SPOP: variants seen among roughly 807,000 people sequenced by gnomAD.
SPOP encodes speckle-type POZ protein.
SPOP carries 11 observed loss-of-function variants against 45.6 expected under a neutral mutation model. The observed-to-expected ratio is 0.24, with a 90% CI of 0.15 to 0.40. The LOEUF (loss-of-function observed/expected upper bound fraction) is 0.40. SPOP is among the 10% of genes least tolerant of loss of function. SPOP has a pLI of 1.00. For missense variants in SPOP, 152 were observed against 465.6 expected (o/e 0.33, Z 6.20); for synonymous variants, 166 against 166.3 (o/e 1.00, Z 0.01).
intron 1 of SPOP, among the ~76,000 whole-genome samples, chr17:49,623,225 C>T (rs147763467): frequency 0.012 from 1,797 of 152,234 alleles, 8 homozygotes; most frequent in Non-Finnish European, 0.018. Flanking sequence ...TCAGGCTGGT[C>T]TTGAACTCTC....
At chr17:49,655,443 G>A (rs936755068) in intron 1 of SPOP, among the ~76,000 whole-genome samples, 5 of 152,034 alleles carry the variant, frequency 3.3e-5, no homozygotes, top group Non-Finnish European at 4.4e-5. Flanking sequence ...CCCGGGAGGC[G>A]GAGCTTGCAG....
chr17:49,654,411 A>C (rs2072880721), intron 1 of SPOP, among the ~76,000 whole-genome samples: 1 of 152,228 alleles, frequency 6.6e-6, no homozygotes, highest in South Asian at 2.1e-4. Flanking sequence ...TAATTAAATA[A>C]CTGTTACAAT....
At chr17:49,654,326 C>G (rs2072879760) in intron 1 of SPOP, among the ~76,000 whole-genome samples, 1 of 152,142 alleles carries the variant, frequency 6.6e-6, no homozygotes, top group South Asian at 2.1e-4. Flanking sequence ...CTCAGGGACT[C>G]AAGTGATCCT....
intron 1 of SPOP, among the ~76,000 whole-genome samples, chr17:49,632,125 C>T (rs757002093): frequency 6.6e-6 from 1 of 152,086 alleles, no homozygotes; most frequent in Non-Finnish European, 1.5e-5. Flanking sequence ...GATCATTTTT[C>T]CCTAATGAGT....
chr17:49,639,899 A>G (rs181854115), intron 1 of SPOP, among the ~76,000 whole-genome samples: 7 of 152,262 alleles, frequency 4.6e-5, no homozygotes, highest in Admixed American at 2.0e-4. Context: ...TGCCTTCTGT[A>G]ATTAATCCTT....
rs933404589 is a variant in SPOP at position 49,656,084 on chromosome 17, C to A, written c.-67+21849G>T. ...GCCTCAGCCTCCCAAAGTGCTGTGA[C>A]CACAGGTGTGAGCCACCGTGCCCAG... On this transcript the variant is annotated intron_variant, in intron 1 of 9. Coordinates refer to ENST00000504102, the MANE Select transcript of SPOP (RefSeq NM_001007228.2). 2.0e-5 allele frequency among the ~76,000 whole-genome samples: 3 copies of A among 152,130 alleles called. No homozygotes were observed. In the East Asian group the frequency reaches 5.8e-4, roughly 29 times the overall value.
At chr17:49,656,549 T>C (rs952768641) in intron 1 of SPOP, among the ~76,000 whole-genome samples, 1 of 152,188 alleles carries the variant, frequency 6.6e-6, no homozygotes, top group African/African-American at 2.4e-5. Context: ...TACAACCATA[T>C]GCCTTTCTCA....
intron 1 of SPOP, among the ~76,000 whole-genome samples, chr17:49,645,678 A>C (rs909901445): frequency 1.7e-4 from 26 of 152,222 alleles, no homozygotes; most frequent in South Asian, 1.0e-3. Context: ...ACTTTGCCTT[A>C]ATTTTATTTA....
chr17:49,627,923 A>T (rs1398435070), intron 1 of SPOP, among the ~76,000 whole-genome samples: 1 of 152,218 alleles, frequency 6.6e-6, no homozygotes, highest in Non-Finnish European at 1.5e-5. Flanking sequence ...AAGGAAATTG[A>T]CTAGGACAGC....
intron 1 of SPOP, among the ~76,000 whole-genome samples, chr17:49,676,849 T>C (rs1567810274): frequency 6.6e-6 from 1 of 152,212 alleles, no homozygotes; most frequent in African/African-American, 2.4e-5. Context: ...TACTTCAAAG[T>C]TCGTTATTTA....
chr17:49,634,464 T>A (rs1242062958), intron 1 of SPOP, among the ~76,000 whole-genome samples: 2 of 152,254 alleles, frequency 1.3e-5, no homozygotes, highest in Non-Finnish European at 2.9e-5. Context: ...ATTTATTACA[T>A]AAGTTAATAT....
At chr17:49,668,759 T>G (rs890111378) in intron 1 of SPOP, among the ~76,000 whole-genome samples, 1 of 151,572 alleles carries the variant, frequency 6.6e-6, no homozygotes, top group Non-Finnish European at 1.5e-5. Flanking sequence ...ATATATACAC[T>G]CATATATATA....
Position 49,678,093 on chromosome 17 carries a change from G to C in SPOP, c.-227C>G. 2.5e-6 allele frequency: 1 copy of C among 397,802 alleles called. No individual in the cohort carries two copies. The highest frequency in any genetic ancestry group is 4.4e-6 in the Non-Finnish European group (1 of 225,644). 24.6% of individuals were successfully genotyped at this position (397,802 alleles called of 1,614,324 possible). On this transcript the variant is annotated 5_prime_UTR_variant, in exon 1 of 10. Coordinates refer to ENST00000504102, the MANE Select transcript of SPOP (RefSeq NM_001007228.2). ...TACACACCGACACACACCAGCCGGG[G>C]CGTCATGGCGTCAGCACGTCGACGC... is the stretch of plus-strand genomic sequence containing the variant.
chr17:49,656,661 C>T (rs1441232207), intron 1 of SPOP, among the ~76,000 whole-genome samples: 2 of 152,186 alleles, frequency 1.3e-5, no homozygotes, highest in African/African-American at 4.8e-5. Flanking sequence ...GAAGCATTTC[C>T]TAACTGCCCC....
chr17:49,606,495 CTTTTTTT>C lies in SPOP; in HGVS notation c.837+748_837+754del, dbSNP rs71146920. Among the ~76,000 whole-genome samples the C allele has an allele frequency of 7.2e-5, 5 of 69,320 alleles. No individual in the cohort carries two copies. In the East Asian group the frequency reaches 1.2e-3, roughly 16 times the overall value. The allele number at this position is 69,320 out of a possible 152,430, so 45.5% of individuals were successfully genotyped here. The stretch of plus-strand genomic sequence containing the variant: ...GCCTGTTTTTTCTTGTTTCTTTTTT[CTTTTTTT>C]TTTTTTTTTTTTTGGAGACAGAGTC... On this transcript the variant is annotated intron_variant, in intron 8 of 9. Coordinates refer to ENST00000504102, the MANE Select transcript of SPOP (RefSeq NM_001007228.2).
intron 1 of SPOP, among the ~76,000 whole-genome samples, chr17:49,649,275 C>T (rs139787038): frequency 2.1e-4 from 32 of 152,220 alleles, no homozygotes; most frequent in Middle Eastern, 3.4e-3. Context: ...CTGTGGCTCA[C>T]GCCTGTAATC....
At position 49,658,356 on chromosome 17, in the gene SPOP, C is replaced by T. The variant is rs928598107; in HGVS notation, c.-67+19577G>A. 3.6e-4 allele frequency among the ~76,000 whole-genome samples: 55 copies of T among 152,094 alleles called. 1 individual carries two copies. Among genetic ancestry groups the T allele is most frequent in the Admixed American group, 1.0e-3 (16 of 15,270 alleles). ...TTTTTTCCACAAATTATTTCATAAT[C>T]AGCAAAAGCAAATACTTTTATTCTG... On this transcript the variant is annotated intron_variant, in intron 1 of 9. Coordinates refer to ENST00000504102, the MANE Select transcript of SPOP (RefSeq NM_001007228.2).
Position 49,616,496 on chromosome 17 carries a change from A to G in SPOP, c.480+2485T>C, listed in dbSNP as rs79613686. Among the ~76,000 whole-genome samples, 1,023 of 152,350 alleles carry G rather than the reference A, an allele frequency of 6.7e-3. 4 individuals carry two copies. The highest frequency in any genetic ancestry group is 0.01 in the Non-Finnish European group (700 of 68,032). ...AAAATGTAAATATGAATTAAAACAA[A>G]TGTGTTTATAAATATTCCACTGATA... is the stretch of plus-strand genomic sequence containing the variant. On this transcript the variant is annotated intron_variant, in intron 5 of 9. Coordinates refer to ENST00000504102, the MANE Select transcript of SPOP (RefSeq NM_001007228.2).
intron 1 of SPOP, among the ~76,000 whole-genome samples, chr17:49,659,292 C>T (rs2072955832): frequency 1.3e-5 from 2 of 152,302 alleles, no homozygotes; most frequent in Middle Eastern, 3.4e-3. Context: ...AAACTCAGTG[C>T]AATAGACCCA....
Sources: gnomAD v4.1 joint callset for allele counts (sites outside exome capture counted in the v4.1 genomes callset) on GRCh38, gnomAD v4.1.1 for gene constraint, MANE v1.5 for transcripts, NCBI Gene and HGNC (gene_info 2026-07-23, HGNC 2026-07-21) for gene names.